Variants in CPNE9 observed in about 807,000 individuals in gnomAD.
CPNE9 encodes copine family member 9.
A neutral mutation model predicts 83.0 loss-of-function variants in CPNE9; 59 were observed. The ratio of observed to expected loss-of-function variants is 0.71; its 90% CI spans 0.58 to 0.88. The LOEUF is 0.88. Ranked by LOEUF, CPNE9 falls within the 40% of genes least tolerant of loss-of-function variation. The pLI is 0.00. For missense variants in CPNE9, 619 were observed against 720.8 expected (o/e 0.86, Z 1.62); for synonymous variants, 256 against 273.4 (o/e 0.94, Z 0.63).
intron 17 of CPNE9, among the ~76,000 whole-genome samples, chr3:9,720,683 ATTT>A (rs760962505): frequency 1.3e-5 from 2 of 151,372 alleles, no homozygotes; most frequent in Non-Finnish European, 3.0e-5. Context: ...TTCACTACTG[ATTT>A]TTTTTTCACT....
intron 17 of CPNE9, among the ~76,000 whole-genome samples, chr3:9,720,089 G>A (rs771362624): frequency 2.6e-5 from 4 of 151,160 alleles, no homozygotes; most frequent in Non-Finnish European, 4.4e-5. Context: ...AAACCAGAGG[G>A]TATTAAAATA....
At position 9,712,860 on chromosome 3, in the gene CPNE9, G is replaced by A. The variant is rs376329459; in HGVS notation, c.545+32G>A. Reference sequence around the variant, plus strand: ...CACTGCCATCAGGGCTGTTAGGCTGGGGTGGGCCATGTGCTTAACAAGTGG... The same window carrying A: ...CACTGCCATCAGGGCTGTTAGGCTGAGGTGGGCCATGTGCTTAACAAGTGG... On this transcript the variant is annotated intron_variant, in intron 9 of 20. Coordinates refer to ENST00000383832, the MANE Select transcript of CPNE9 (RefSeq NM_153635.3). 6 of 1,596,390 alleles carry A rather than the reference G, an allele frequency of 3.8e-6. No homozygotes were observed. In the South Asian group the frequency reaches 6.6e-5, roughly 18 times the overall value.
At chr3:9,726,941 G>A (rs1276040297) in intron 19 of CPNE9, among the ~76,000 whole-genome samples, 172 bp from the exon 20 acceptor site, 2 of 152,170 alleles carry the variant, frequency 1.3e-5, no homozygotes, top group Non-Finnish European at 2.9e-5. Context: ...TGGACTGCCT[G>A]GGAGGCATAA....
chr3:9,705,771 G>A, intron 6 of CPNE9, 51 bp downstream of exon 6: 7 of 1,598,212 alleles, frequency 4.4e-6, no homozygotes, highest in South Asian at 2.2e-5. Flanking sequence ...TGGTATTGTG[G>A]AGAACAGGCT....
intron 20 of CPNE9, 52 bp from the exon 21 acceptor site, chr3:9,729,455 A>AT: frequency 6.5e-7 from 1 of 1,549,706 alleles, no homozygotes; most frequent in Non-Finnish European, 8.8e-7. Context: ...CTGCACCCCC[A>AT]TGCCCTCTCT....
Position 9,704,989 on chromosome 3 carries a change from CGA to C in CPNE9, c.256_257del (p.Asp86CysfsTer58), listed in dbSNP as rs1240192286. On this transcript the variant is annotated frameshift_variant, in exon 4 of 21. Transcript: ENST00000383832. LOFTEE classifies it high-confidence loss of function. This position sits in a 1 kb window ranked among gnomAD's most constrained non-coding sequence, Gnocchi z 7.1. ...TTGAGGAAAAGCAAAATCTGCGCTT[CGA>C]TGTGTGAGGCCCCGCCTGGAATTCT... The part of the protein sequence containing the change: ...FFEEKQNLRF[D>X]VYNVDSKTNI... 20 of 1,608,134 alleles carry C rather than the reference CGA, an allele frequency of 1.2e-5. No individual in the cohort carries two copies. The highest frequency in any genetic ancestry group is 1.7e-5 in the Non-Finnish European group (20 of 1,177,248).
At chr3:9,720,039 A>T (rs1209886788) in intron 17 of CPNE9, among the ~76,000 whole-genome samples, 1 of 151,154 alleles carries the variant, frequency 6.6e-6, no homozygotes, top group Non-Finnish European at 1.5e-5. Flanking sequence ...ACACACACAC[A>T]AACCAAAGAA....
intron 14 of CPNE9, among the ~76,000 whole-genome samples, chr3:9,716,662 C>T (rs780975706): frequency 6.6e-6 from 1 of 151,972 alleles, no homozygotes; most frequent in Admixed American, 6.6e-5. Flanking sequence ...AGTAGAGATG[C>T]GGTTTCCCCA....
At chr3:9,713,443 T>C (rs2076649522) in intron 10 of CPNE9, among the ~76,000 whole-genome samples, 1 of 152,106 alleles carries the variant, frequency 6.6e-6, no homozygotes, top group Non-Finnish European at 1.5e-5. Context: ...GAGGGGCAGA[T>C]AAATGAATGG....
chr3:9,715,732 T>C (rs529569766), intron 13 of CPNE9, among the ~76,000 whole-genome samples: 1 of 152,136 alleles, frequency 6.6e-6, no homozygotes, highest in Non-Finnish European at 1.5e-5. Flanking sequence ...TTTTGCAGAA[T>C]AAAAGAAAAA....
rs764674766 is a variant in CPNE9, at chr3:9,704,405, C to T, written c.69-182C>T. Among the ~76,000 whole-genome samples, 2 of 152,150 alleles carry T rather than the reference C, an allele frequency of 1.3e-5. No individual in the cohort carries two copies. The highest frequency in any genetic ancestry group is 2.4e-5 in the African/African-American group (1 of 41,440). Reference sequence around the variant, plus strand: ...GCGTCCAGTCCGCAGAGCCATGGTTCCTGGACAGCGATTTCCGGTGCTGTC... The same window carrying T: ...GCGTCCAGTCCGCAGAGCCATGGTTTCTGGACAGCGATTTCCGGTGCTGTC... On this transcript the variant is annotated intron_variant, in intron 1 of 20. Transcript: ENST00000383832. This position sits in a 1 kb window ranked among gnomAD's most constrained non-coding sequence, Gnocchi z 7.1.
Position 9,717,044 on chromosome 3 carries a change from T to G in CPNE9, c.885-14T>G. The G allele has an allele frequency of 6.2e-7, 1 of 1,614,034 alleles. No individual in the cohort carries two copies. Among genetic ancestry groups the G allele is most frequent in the East Asian group, 2.2e-5 (1 of 44,892 alleles). On this transcript the variant is annotated splice_polypyrimidine_tract_variant and intron_variant, in intron 14 of 20. Coordinates refer to ENST00000383832, the MANE Select transcript of CPNE9 (RefSeq NM_153635.3). ...TTAGTTCCTCACTTCTCAATTCATC[T>G]GCTTCCCCAACAGGACACAGCTGAA...
chr3:9,707,352 C>CAAAAAAAA (rs779965477), intron 7 of CPNE9, among the ~76,000 whole-genome samples: 1 of 50,984 alleles, frequency 2.0e-5, no homozygotes, highest in Non-Finnish European at 3.5e-5. Context: ...GATTCTGTCT[C>CAAAAAAAA]AAAAAAAAAA....
At chr3:9,712,289 G>A (rs558843571) in intron 7 of CPNE9, among the ~76,000 whole-genome samples, 5 of 152,206 alleles carry the variant, frequency 3.3e-5, no homozygotes, top group Admixed American at 2.6e-4. Context: ...AAAATCCACT[G>A]GCTCTAAATC....
chr3:9,703,932 C>G lies in CPNE9; in HGVS notation c.-65C>G. On this transcript the variant is annotated 5_prime_UTR_variant, in exon 1 of 21. Coordinates refer to ENST00000383832, the MANE Select transcript of CPNE9 (RefSeq NM_153635.3). ...GCACATGGGCCGGCCCCGCCGCTGC[C>G]GTCGCCCCTAGCCCCAGCAGCCCTG... 4 of 1,354,470 alleles carry G rather than the reference C, an allele frequency of 3.0e-6. No homozygotes were observed. The highest frequency in any genetic ancestry group is 4.0e-6 in the Non-Finnish European group (4 of 1,009,462). 83.9% of individuals were successfully genotyped at this position (1,354,470 alleles called of 1,614,324 possible).
At chr3:9,727,071 G>A (rs2076790982) in intron 19 of CPNE9, 42 bp from the exon 20 acceptor site, 2 of 1,610,102 alleles carry the variant, frequency 1.2e-6, no homozygotes, top group South Asian at 1.1e-5. Flanking sequence ...ATGGGGTGGG[G>A]CTGGAGAGGC....
chr3:9,703,845 C>G lies in CPNE9; in HGVS notation c.-152C>G. On this transcript the variant is annotated 5_prime_UTR_variant, in exon 1 of 21. Coordinates refer to ENST00000383832, the MANE Select transcript of CPNE9 (RefSeq NM_153635.3). ...GCCGCCGGCGGCCACTGTCAGGGCG[C>G]GAGCGGCTGGAGCGCACGCAGGGCT... 1 of 448,714 alleles carries G rather than the reference C, an allele frequency of 2.2e-6. No individual in the cohort carries two copies. Among genetic ancestry groups the G allele is most frequent in the East Asian group, 4.2e-5 (1 of 23,752 alleles). The allele number at this position is 448,714 out of a possible 1,614,324, so 27.8% of individuals were successfully genotyped here.
chr3:9,719,568 A>G (rs2076716560), intron 17 of CPNE9, among the ~76,000 whole-genome samples: 1 of 152,230 alleles, frequency 6.6e-6, no homozygotes, highest in Non-Finnish European at 1.5e-5. Flanking sequence ...CAGCTTCCTT[A>G]TAGAGTTATT....
At chr3:9,716,058 G>A (rs1387875014) in intron 14 of CPNE9, 23 bp downstream of exon 14, 2 of 1,598,702 alleles carry the variant, frequency 1.3e-6, no homozygotes, top group Non-Finnish European at 1.7e-6. Flanking sequence ...CCAAGCTCTG[G>A]GCTGAAAGCC....
Sources: allele counts gnomAD v4.1 joint callset (sites outside exome capture counted in the v4.1 genomes callset), GRCh38; gene constraint gnomAD v4.1.1; non-coding constraint Gnocchi (gnomAD v3.1); transcripts MANE v1.5; gene names NCBI Gene and HGNC (gene_info 2026-07-23, HGNC 2026-07-21).